CCSER1: variants seen among roughly 807,000 people sequenced by gnomAD.
CCSER1 encodes the protein coiled-coil serine rich protein 1, also known as serine-rich coiled-coil domain-containing protein 1.
CCSER1 carries 41 observed loss-of-function variants against 82.0 expected under a neutral mutation model. The observed-to-expected ratio is 0.50, with a 90% CI of 0.39 to 0.65. The LOEUF is 0.65. Among genes scored for constraint, CCSER1 ranks in the 30% least tolerant of loss-of-function variants. The pLI is 0.00. For synonymous variants in CCSER1, 414 were observed against 383.9 expected, an observed-to-expected ratio of 1.08 and a Z score of -0.92; for missense variants, 1,119 against 1,064.2, an observed-to-expected ratio of 1.05 and a Z score of -0.72.
intron 6 of CCSER1, among the ~76,000 whole-genome samples, chr4:90,636,743 C>T (rs115547189): frequency 0.014 from 2,078 of 152,220 alleles, 54 homozygotes; most frequent in African/African-American, 0.048. Flanking sequence ...TGGTAAAACA[C>T]TGAAACTTCT....
intron 10 of CCSER1, among the ~76,000 whole-genome samples, chr4:91,349,435 T>C (rs1748313936): frequency 6.6e-6 from 1 of 152,146 alleles, no homozygotes; most frequent in Admixed American, 6.5e-5. Flanking sequence ...AATGGTTAAG[T>C]TGTAGAAAGG....
intron 1 of CCSER1, among the ~76,000 whole-genome samples, chr4:90,290,814 A>G (rs752744747): frequency 4.6e-5 from 7 of 152,024 alleles, no homozygotes; most frequent in Non-Finnish European, 8.8e-5. Flanking sequence ...GCCACTTCCA[A>G]TGAAACATTC....
chr4:90,944,273 A>G (rs968219032), intron 9 of CCSER1, among the ~76,000 whole-genome samples: 3 of 151,864 alleles, frequency 2.0e-5, no homozygotes, highest in Admixed American at 2.0e-4. Context: ...GTAGAATGCT[A>G]TGTATCCATT....
chr4:91,463,261 C>T lies in CCSER1; in HGVS notation c.2218-135311C>T, dbSNP rs1377311572. On this transcript the variant is annotated intron_variant, in intron 10 of 10. Transcript: ENST00000509176. Reference sequence around the variant, plus strand: ...CCAGGCAAACAGGGTCTGGAGTGGACCTCCAGCAAACTCAACAGACCTGCA... The same window carrying T: ...CCAGGCAAACAGGGTCTGGAGTGGATCTCCAGCAAACTCAACAGACCTGCA... 1.1e-4 allele frequency among the ~76,000 whole-genome samples: 17 copies of T among 152,320 alleles called. 1 individual carries two copies. The South Asian group carries it at 1.9e-3, about 17-fold the overall frequency.
chr4:90,491,795 T>C (rs548205799), intron 5 of CCSER1, among the ~76,000 whole-genome samples: 49 of 152,254 alleles, frequency 3.2e-4, no homozygotes, highest in Middle Eastern at 6.9e-3. Flanking sequence ...TTGTCTTTGG[T>C]TCTGTTTATA....
chr4:90,526,521 A>G (rs1773782536), intron 5 of CCSER1, among the ~76,000 whole-genome samples: 1 of 151,990 alleles, frequency 6.6e-6, no homozygotes, highest in African/African-American at 2.4e-5. Context: ...TCTACATTAG[A>G]TATTTCTTCT....
At chr4:91,215,931 G>A (rs1307650243) in intron 10 of CCSER1, among the ~76,000 whole-genome samples, 2 of 152,150 alleles carry the variant, frequency 1.3e-5, no homozygotes, top group African/African-American at 4.8e-5. Context: ...CTTGAAAACT[G>A]CTTAATTTTC....
intron 10 of CCSER1, among the ~76,000 whole-genome samples, chr4:91,545,535 T>C (rs1265754494): frequency 6.6e-6 from 1 of 152,166 alleles, no homozygotes; most frequent in African/African-American, 2.4e-5. Context: ...AAGTATCTAA[T>C]TTTTGTGGAT....
chr4:90,220,784 TTTCAGAAA>T (rs1307959562), intron 1 of CCSER1, among the ~76,000 whole-genome samples: 1 of 152,208 alleles, frequency 6.6e-6, no homozygotes, highest in Non-Finnish European at 1.5e-5. Flanking sequence ...ATGTGTATTG[TTTCAGAAA>T]ACTGTAACTG....
rs28414255 is a variant in CCSER1, at chr4:91,496,696, C to G, written c.2218-101876C>G. On this transcript the variant is annotated intron_variant, in intron 10 of 10. Transcript: ENST00000509176. ...CAATATATTTGAATATATATATATTCAATATATATATATATTCAATATATA... is the reference window on the plus strand; with the variant it reads ...CAATATATTTGAATATATATATATTGAATATATATATATATTCAATATATA... Among the ~76,000 whole-genome samples, 265 of 15,050 alleles carry G rather than the reference C, an allele frequency of 0.018. 77 individuals carry two copies. In the East Asian group the frequency reaches 0.21, roughly 12 times the overall value. The allele number at this position is 15,050 out of a possible 152,430, so 9.9% of individuals were successfully genotyped here.
chr4:90,540,199 ATTCAAC>A (rs1291178824), intron 5 of CCSER1, among the ~76,000 whole-genome samples: 2 of 152,148 alleles, frequency 1.3e-5, no homozygotes, highest in Non-Finnish European at 2.9e-5. Flanking sequence ...TATTAGGGAG[ATTCAAC>A]TTAACATAGA....
rs546733144 is a variant in CCSER1, at chr4:90,622,518, G to A, written c.1725-5507G>A. 2.0e-5 allele frequency among the ~76,000 whole-genome samples: 3 copies of A among 152,260 alleles called. No homozygotes were observed. In the East Asian group the frequency reaches 5.8e-4, roughly 29 times the overall value. On this transcript the variant is annotated intron_variant, in intron 5 of 10. Coordinates refer to ENST00000509176, the MANE Select transcript of CCSER1 (RefSeq NM_001145065.2). ...CCACCTATGAGTGAGAACATGCGGT[G>A]TTTGTTTTTTTGTCCTTGCGATAGT...
chr4:90,508,739 C>T (rs372596510), intron 5 of CCSER1, among the ~76,000 whole-genome samples: 38 of 151,978 alleles, frequency 2.5e-4, no homozygotes, highest in East Asian at 3.9e-4. Context: ...TACTGGTAAC[C>T]GGGTGATCTA....
intron 10 of CCSER1, among the ~76,000 whole-genome samples, chr4:91,256,620 G>A (rs866778152): frequency 1.3e-5 from 2 of 152,010 alleles, no homozygotes; most frequent in Non-Finnish European, 2.9e-5. Context: ...CCGACACTTA[G>A]GGAAATAGAA....
In CCSER1 at chr4:91,066,310, G is replaced by C. The variant is rs72886666; in HGVS notation, c.2173-19640G>C. 7.7e-3 allele frequency among the ~76,000 whole-genome samples: 1,172 copies of C among 152,316 alleles called. 12 individuals are homozygous for C. The highest frequency in any genetic ancestry group is 0.026 in the African/African-American group (1,094 of 41,560). On this transcript the variant is annotated intron_variant, in intron 9 of 10. Transcript: ENST00000509176. ...TCTCAGAAAAAGCTAATTATCTTAA[G>C]GCTGTGAGTCAACTGTTGCCAAATG...
At chr4:91,159,705 T>C (rs1036330490) in intron 10 of CCSER1, among the ~76,000 whole-genome samples, 1 of 151,954 alleles carries the variant, frequency 6.6e-6, no homozygotes, top group African/African-American at 2.4e-5. Context: ...AATCAGTGAA[T>C]ACATTCAGAA....
At chr4:90,661,436 G>A (rs923656923) in intron 6 of CCSER1, among the ~76,000 whole-genome samples, 2 of 152,116 alleles carry the variant, frequency 1.3e-5, no homozygotes, top group Non-Finnish European at 2.9e-5. Flanking sequence ...TTATATATAT[G>A]CTACTAGAAA....
At chr4:90,513,090 C>T (rs1771777690) in intron 5 of CCSER1, among the ~76,000 whole-genome samples, 1 of 152,080 alleles carries the variant, frequency 6.6e-6, no homozygotes, top group Admixed American at 6.6e-5. Flanking sequence ...TGTAAACTTG[C>T]CCAGCAAAAC....
chr4:91,452,045 G>A (rs1267000027), intron 10 of CCSER1, among the ~76,000 whole-genome samples: 4 of 151,938 alleles, frequency 2.6e-5, no homozygotes, highest in Non-Finnish European at 5.9e-5. Flanking sequence ...ACACTATGAT[G>A]TCTGGATAGT....
Sources: gnomAD v4.1 joint callset for allele counts (sites outside exome capture counted in the v4.1 genomes callset) on GRCh38, gnomAD v4.1.1 for gene constraint, MANE v1.5 for transcripts, NCBI Gene and HGNC (gene_info 2026-07-23, HGNC 2026-07-21) for gene names.